Variants in LRPPRC observed in about 807,000 individuals in gnomAD.
LRPPRC encodes leucine-rich PPR motif-containing protein, mitochondrial.
In LRPPRC, 120 loss-of-function variants were observed where a neutral mutation model predicts 180.3. The ratio of observed to expected loss-of-function variants is 0.67; its 90% confidence interval spans 0.57 to 0.77. The LOEUF (loss-of-function observed/expected upper bound fraction) is 0.77. Among genes scored for constraint, LRPPRC ranks in the 30% least tolerant of loss-of-function variants. The probability of loss-of-function intolerance (pLI) is 0.00; values close to 1 mark genes in which losing one functional copy is unlikely to be tolerated. For synonymous variants in LRPPRC, 723 were observed against 600.0 expected (o/e 1.21, Z -3.00); for missense variants, 2,012 against 1,657.2 (o/e 1.21, Z -3.72).
upstream of LRPPRC, among the ~76,000 whole-genome samples, chr2:43,996,170 G>A (rs148391276): frequency 1.3e-5 from 2 of 152,182 alleles, no homozygotes; most frequent in Non-Finnish European, 2.9e-5. Flanking sequence ...CATTATCGAA[G>A]CTTTTCTTTT....
chr2:43,954,366 T>G (rs1315780425), intron 14 of LRPPRC, among the ~76,000 whole-genome samples: 1 of 152,180 alleles, frequency 6.6e-6, no homozygotes, highest in African/African-American at 2.4e-5. Flanking sequence ...GCTTAATAGT[T>G]AGGAAGATGC....
chr2:43,954,183 G>T (rs943670745), intron 14 of LRPPRC, among the ~76,000 whole-genome samples: 1 of 151,596 alleles, frequency 6.6e-6, no homozygotes, highest in African/African-American at 2.4e-5. Context: ...CTGCAACAAG[G>T]TTTAAAAAAA....
Position 43,888,491 on chromosome 2 carries a change from A to C in LRPPRC, c.*109T>G, listed in dbSNP as rs1214467581. On this transcript the variant is annotated 3_prime_UTR_variant, in exon 38 of 38. Transcript: ENST00000260665. ...GACTTTGAACATGCATCACACATAC[A>C]TAAGTACATAAAGAAAATTTTCATT... 8 of 720,964 alleles carry C rather than the reference A, an allele frequency of 1.1e-5. No individual in the cohort carries two copies. The highest frequency in any genetic ancestry group is 1.0e-4 in the Admixed American group (5 of 49,396). 44.7% of individuals were successfully genotyped at this position (720,964 alleles called of 1,614,324 possible).
Position 43,894,628 on chromosome 2 carries a change from G to A in LRPPRC, c.3902C>T (p.Ala1301Val). 1 of 1,513,000 alleles carries A rather than the reference G, an allele frequency of 6.6e-7. No individual in the cohort carries two copies. The highest frequency in any genetic ancestry group is 2.3e-5 in the East Asian group (1 of 44,212). The allele number at this position is 1,513,000 out of a possible 1,614,324, so 93.7% of individuals were successfully genotyped here. A position where few individuals can be genotyped will look rare whatever the true frequency, so the allele number is the denominator to read the frequency against. The change falls in exon 36 of 38, where the codon GCA becomes GTA. Residue 1301 changes from alanine to valine, a missense_variant and splice_region_variant. Ala to Val is a moderately conservative substitution (Grantham distance 64). Coordinates refer to ENST00000260665, the MANE Select transcript of LRPPRC (RefSeq NM_133259.4). ...LLRNSRKQGKASTVKSVLELI... is the reference protein window; with the variant it reads ...LLRNSRKQGKVSTVKSVLELI... ...TTCTAACACAGATTTCACAGTTGATGCCTAGGAAATTACATAAAGGTAATA... is the reference window on the plus strand; with the variant it reads ...TTCTAACACAGATTTCACAGTTGATACCTAGGAAATTACATAAAGGTAATA...
rs750079820 is a variant in LRPPRC at position 43,975,156 on chromosome 2, G to C, written c.799C>G (p.Pro267Ala). ...TTCAATAATGCGAGGTATGTGTCTGGACCAGGCTCAATTCCGGCATCTCTC... is the reference window on the plus strand; with the variant it reads ...TTCAATAATGCGAGGTATGTGTCTGCACCAGGCTCAATTCCGGCATCTCTC... Reference protein sequence around the residue: ...VMRDAGIEPGPDTYLALLNAY... With the variant: ...VMRDAGIEPGADTYLALLNAY... The change falls in exon 7 of 38, where the codon CCA (proline) becomes GCA (alanine). Residue 267 changes from proline to alanine, a missense_variant. By Grantham distance (27) the Pro-to-Ala change is conservative. Transcript: ENST00000260665. 1 of 1,613,344 alleles carries C rather than the reference G, an allele frequency of 6.2e-7. No individual in the cohort carries two copies. Among genetic ancestry groups the C allele is most frequent in the South Asian group, 1.1e-5 (1 of 91,046 alleles).
rs1337718366 is a variant in LRPPRC, at chr2:43,923,520, T to C, written c.2896+1547A>G. On this transcript the variant is annotated intron_variant, in intron 27 of 37. Coordinates refer to ENST00000260665, the MANE Select transcript of LRPPRC (RefSeq NM_133259.4). ...AACTAATAGTAAAAGTTCTTCTGAA[T>C]AGGAAGAGTAAGTTTGTGTGGCTGG... is the stretch of plus-strand genomic sequence containing the variant. 2.0e-5 allele frequency among the ~76,000 whole-genome samples: 3 copies of C among 152,090 alleles called. No individual in the cohort carries two copies. In the East Asian group the frequency reaches 5.8e-4, roughly 29 times the overall value.
Position 43,888,678 on chromosome 2 carries a change from G to A in LRPPRC, c.4129-22C>T, listed in dbSNP as rs763195572. 3 of 1,398,082 alleles carry A rather than the reference G, an allele frequency of 2.1e-6. No individual in the cohort carries two copies. In the South Asian group the frequency reaches 3.5e-5, roughly 16 times the overall value. 86.6% of individuals were successfully genotyped at this position (1,398,082 alleles called of 1,614,324 possible). ...TTTCCTGTTAAGGAGAAAAAAAGAGGGAAGTTAGAGATACCAGCAAGAGGT... is the reference window on the plus strand; with the variant it reads ...TTTCCTGTTAAGGAGAAAAAAAGAGAGAAGTTAGAGATACCAGCAAGAGGT... On this transcript the variant is annotated intron_variant, in intron 37 of 37. Coordinates refer to ENST00000260665, the MANE Select transcript of LRPPRC (RefSeq NM_133259.4).
At chr2:43,968,614 A>G (rs1021280428) in intron 11 of LRPPRC, among the ~76,000 whole-genome samples, 1 of 152,238 alleles carries the variant, frequency 6.6e-6, no homozygotes, top group Admixed American at 6.5e-5. Context: ...TCAACTAATC[A>G]AGTGAAATAA....
At chr2:43,925,436 G>A (rs1183780178) in intron 26 of LRPPRC, among the ~76,000 whole-genome samples, 1 of 152,212 alleles carries the variant, frequency 6.6e-6, no homozygotes, top group South Asian at 2.1e-4. Flanking sequence ...CTAATTCAAA[G>A]GTATCTGGGT....
intron 27 of LRPPRC, 78 bp downstream of exon 27, chr2:43,924,989 C>A: frequency 2.2e-6 from 2 of 890,796 alleles, no homozygotes; most frequent in South Asian, 1.3e-5. Context: ...CTGGAGCTCC[C>A]TCAAAACCAA....
intron 36 of LRPPRC, among the ~76,000 whole-genome samples, chr2:43,893,615 T>C (rs1670575077): frequency 6.6e-6 from 1 of 152,232 alleles, no homozygotes; most frequent in Non-Finnish European, 1.5e-5. Flanking sequence ...CACTACACTA[T>C]GGTGTAAACA....
intron 31 of LRPPRC, chr2:43,903,100 G>C (rs987736830): frequency 7.9e-5 from 12 of 152,170 alleles, no homozygotes; most frequent in African/African-American, 2.4e-4. Context: ...AGAGCAGAAG[G>C]GTGGGGAGAA....
chr2:43,962,078 C>G (rs1018044214), intron 12 of LRPPRC, among the ~76,000 whole-genome samples: 1 of 152,136 alleles, frequency 6.6e-6, no homozygotes. Flanking sequence ...ATGAAGGCAA[C>G]ATAGTTGAGA....
chr2:43,899,421 G>C, intron 33 of LRPPRC, 45 bp downstream of exon 33: 1 of 1,613,088 alleles, frequency 6.2e-7, no homozygotes, highest in African/African-American at 1.3e-5. Flanking sequence ...TCTCACTAGA[G>C]AGAAAATGTG....
chr2:43,945,858 G>A (rs915494457), intron 21 of LRPPRC, among the ~76,000 whole-genome samples: 2 of 151,998 alleles, frequency 1.3e-5, no homozygotes, highest in Non-Finnish European at 2.9e-5. Context: ...CTGTTGTGAT[G>A]ATATATAATC....
chr2:43,989,366 C>T (rs1029346949), intron 1 of LRPPRC, among the ~76,000 whole-genome samples: 1 of 152,190 alleles, frequency 6.6e-6, no homozygotes. Flanking sequence ...TTCCACCTAT[C>T]GAGATTTCCC....
intron 27 of LRPPRC, among the ~76,000 whole-genome samples, chr2:43,920,103 CTT>C (rs1671645339): frequency 7.7e-6 from 1 of 129,218 alleles, no homozygotes; most frequent in Non-Finnish European, 1.7e-5. Context: ...AAAAAAAAAA[CTT>C]AGAGAAATTC....
chr2:43,963,163 G>A (rs1302846124), intron 12 of LRPPRC, among the ~76,000 whole-genome samples: 3 of 152,104 alleles, frequency 2.0e-5, no homozygotes, highest in African/African-American at 7.2e-5. Context: ...TTGTATACAG[G>A]GCCAGGCGCG....
At chr2:43,888,986 A>T (rs1670376780) in intron 37 of LRPPRC, among the ~76,000 whole-genome samples, 1 of 152,240 alleles carries the variant, frequency 6.6e-6, no homozygotes, top group African/African-American at 2.4e-5. Context: ...GTTCAATGAC[A>T]TAACAAAAAG....
Sources: allele counts gnomAD v4.1 joint callset (sites outside exome capture counted in the v4.1 genomes callset), GRCh38; gene constraint gnomAD v4.1.1; transcripts MANE v1.5; gene names NCBI Gene and HGNC (gene_info 2026-07-23, HGNC 2026-07-21).